The following ASIC2 variants were observed in gnomAD, a reference collection of about 807,000 sequenced individuals.
ASIC2 encodes the protein acid sensing ion channel subunit 2.
Under a neutral mutation model 57.3 loss-of-function variants are expected in ASIC2, and 25 were observed. The ratio of observed to expected loss-of-function variants is 0.44; its 90% CI spans 0.32 to 0.61. The LOEUF is 0.61. ASIC2 is among the 20% of genes least tolerant of loss of function. ASIC2 has a pLI of 0.06. For missense variants in ASIC2, 641 were observed against 738.1 expected, an observed-to-expected ratio of 0.87 and a Z score of 1.52; for synonymous variants, 319 against 307.5, an observed-to-expected ratio of 1.04 and a Z score of -0.39.
At chr17:33,611,097 A>G (rs192546649) in intron 1 of ASIC2, among the ~76,000 whole-genome samples, 1 of 152,248 alleles carries the variant, frequency 6.6e-6, no homozygotes, top group Admixed American at 6.5e-5. Flanking sequence ...GAGGTGAGAG[A>G]AAGCTTCTTA....
At chr17:33,173,475 G>C (rs181885388) in intron 1 of ASIC2, among the ~76,000 whole-genome samples, 63 of 152,290 alleles carry the variant, frequency 4.1e-4, no homozygotes, top group Admixed American at 2.8e-3. Context: ...GAAGGCAGGA[G>C]GAGCTGAGTG....
chr17:33,932,602 A>G (rs1186664401), intron 1 of ASIC2: 4 of 148,824 alleles, frequency 2.7e-5, no homozygotes, highest in African/African-American at 9.9e-5. Flanking sequence ...AATCTCACCT[A>G]TTTGGGAAGC....
At chr17:33,816,441 T>C (rs1912584569) in intron 1 of ASIC2, among the ~76,000 whole-genome samples, 1 of 152,182 alleles carries the variant, frequency 6.6e-6, no homozygotes, top group Admixed American at 6.5e-5. Flanking sequence ...TCTGGCAACA[T>C]TGCAATTATT....
chr17:33,428,438 TC>T (rs1221356689), intron 1 of ASIC2, among the ~76,000 whole-genome samples: 1 of 152,134 alleles, frequency 6.6e-6, no homozygotes, highest in African/African-American at 2.4e-5. Context: ...TGCCTCAATT[TC>T]CAGGGCTAAA....
intron 1 of ASIC2, among the ~76,000 whole-genome samples, chr17:34,141,440 C>G (rs1912270818): frequency 6.6e-6 from 1 of 152,130 alleles, no homozygotes; most frequent in Non-Finnish European, 1.5e-5. Flanking sequence ...GGAAAATTTT[C>G]AGAGCCTACC....
intron 3 of ASIC2, among the ~76,000 whole-genome samples, chr17:33,048,657 C>T (rs2091964122): frequency 6.6e-6 from 1 of 152,180 alleles, no homozygotes; most frequent in African/African-American, 2.4e-5. Flanking sequence ...TTGAAATCTG[C>T]TCCAGGTCTG....
At chr17:33,751,963 T>A (rs1296454911) in intron 1 of ASIC2, among the ~76,000 whole-genome samples, 3 of 44,502 alleles carry the variant, frequency 6.7e-5, no homozygotes, top group African/African-American at 8.9e-5. Flanking sequence ...GGGGTGGGGG[T>A]GGGGAAGATT....
chr17:33,324,552 C>A (rs898271685), intron 1 of ASIC2, among the ~76,000 whole-genome samples: 2 of 152,140 alleles, frequency 1.3e-5, no homozygotes, highest in African/African-American at 4.8e-5. Context: ...GATTCCCTAA[C>A]CTACCTAGAT....
intron 1 of ASIC2, among the ~76,000 whole-genome samples, chr17:33,653,864 T>C (rs1906997791): frequency 1.3e-5 from 2 of 152,260 alleles, no homozygotes; most frequent in African/African-American, 4.8e-5. Flanking sequence ...AAGGGATATA[T>C]ATTTCCTGAT....
intron 1 of ASIC2, among the ~76,000 whole-genome samples, chr17:34,096,764 G>A (rs1376916888): frequency 1.4e-5 from 2 of 147,474 alleles, no homozygotes; most frequent in Admixed American, 6.9e-5. Context: ...GGCTGAGGCA[G>A]GAGAATGGTG....
At chr17:33,844,776 A>G (rs1261209547) in intron 1 of ASIC2, among the ~76,000 whole-genome samples, 1 of 152,224 alleles carries the variant, frequency 6.6e-6, no homozygotes, top group Non-Finnish European at 1.5e-5. Flanking sequence ...GTGATTGCAA[A>G]TATCAGATTA....
chr17:33,319,746 C>T (rs751717019), intron 1 of ASIC2, among the ~76,000 whole-genome samples: 1 of 152,188 alleles, frequency 6.6e-6, no homozygotes, highest in Non-Finnish European at 1.5e-5. Flanking sequence ...GTTGCCGTAG[C>T]TAGTCTTGAA....
chr17:33,870,802 C>G (rs1914384406), intron 1 of ASIC2, among the ~76,000 whole-genome samples: 1 of 152,102 alleles, frequency 6.6e-6, no homozygotes, highest in Non-Finnish European at 1.5e-5. Context: ...TAGATGATTA[C>G]AAGGGTTAAA....
intron 1 of ASIC2, among the ~76,000 whole-genome samples, chr17:34,026,531 A>C (rs1307393167): frequency 6.6e-6 from 1 of 152,182 alleles, no homozygotes; most frequent in African/African-American, 2.4e-5. Flanking sequence ...GTTTCCAAAA[A>C]CAATCATTTC....
intron 1 of ASIC2, among the ~76,000 whole-genome samples, chr17:34,019,057 G>A (rs10438794): frequency 0.05 from 7,534 of 152,088 alleles, 610 homozygotes; most frequent in African/African-American, 0.17. Context: ...ACAGGCGCCC[G>A]CCACCACGCC....
chr17:33,251,375 G>C (rs1488368207), intron 1 of ASIC2, among the ~76,000 whole-genome samples: 1 of 152,116 alleles, frequency 6.6e-6, no homozygotes, highest in Non-Finnish European at 1.5e-5. Context: ...TGTCACATAG[G>C]CTGGAGTGCA....
intron 1 of ASIC2, among the ~76,000 whole-genome samples, chr17:33,494,378 C>G (rs1377158285): frequency 6.6e-6 from 1 of 152,180 alleles, no homozygotes; most frequent in Non-Finnish European, 1.5e-5. Context: ...ATGTTTGGAG[C>G]CAAGACTAAT....
chr17:33,075,443 T>C (rs1200945936), intron 3 of ASIC2, among the ~76,000 whole-genome samples: 1 of 152,158 alleles, frequency 6.6e-6, no homozygotes, highest in Non-Finnish European at 1.5e-5. Context: ...GTTCTGAATA[T>C]AGCTAAGCCC....
chr17:33,898,887 T>C (rs73987297), intron 1 of ASIC2, among the ~76,000 whole-genome samples: 3,920 of 152,232 alleles, frequency 0.026, 155 homozygotes, highest in African/African-American at 0.089. Flanking sequence ...CACAAGAATA[T>C]TAACTTTCCA....
Sources: gnomAD v4.1 joint callset for allele counts (sites outside exome capture counted in the v4.1 genomes callset) on GRCh38, gnomAD v4.1.1 for gene constraint, MANE v1.5 for transcripts, NCBI Gene and HGNC (gene_info 2026-07-23, HGNC 2026-07-21) for gene names.